Variants in TTC17 observed in about 807,000 individuals in gnomAD.
TTC17 encodes tetratricopeptide repeat protein 17.
Under a neutral mutation model 143.8 loss-of-function variants are expected in TTC17, and 58 were observed. The ratio of observed to expected loss-of-function variants is 0.40; its 90% CI spans 0.33 to 0.50. The LOEUF (loss-of-function observed/expected upper bound fraction) is 0.50, where lower values mean the gene tolerates loss of function less well. Ranked by LOEUF, TTC17 falls within the 20% of genes least tolerant of loss-of-function variation. TTC17 has a pLI of 0.49. For synonymous variants in TTC17, 501 were observed against 497.8 expected, an observed-to-expected ratio of 1.01 and a Z score of -0.09; for missense variants, 1,273 against 1,392.5, an observed-to-expected ratio of 0.91 and a Z score of 1.37.
At chr11:43,413,587 C>T (rs189204423) in intron 15 of TTC17, among the ~76,000 whole-genome samples, 1 of 151,834 alleles carries the variant, frequency 6.6e-6, no homozygotes, top group African/African-American at 2.4e-5. Context: ...CAACAAAAGA[C>T]TAATATATAA....
intron 16 of TTC17, among the ~76,000 whole-genome samples, chr11:43,432,532 C>T (rs1346092072): frequency 6.6e-6 from 1 of 152,156 alleles, no homozygotes; most frequent in Non-Finnish European, 1.5e-5. Context: ...CCTGGGACCT[C>T]GTTACCTAAA....
At chr11:43,365,381 G>A (rs1303584631) in intron 1 of TTC17, among the ~76,000 whole-genome samples, 1 of 152,004 alleles carries the variant, frequency 6.6e-6, no homozygotes, top group Non-Finnish European at 1.5e-5. Flanking sequence ...TGATCCTCCC[G>A]CCTCAGCCTC....
chr11:43,470,536 C>G (rs765162677), intron 21 of TTC17, among the ~76,000 whole-genome samples: 30 of 152,192 alleles, frequency 2.0e-4, no homozygotes, highest in Non-Finnish European at 8.8e-5. Flanking sequence ...ACAATCATCT[C>G]AGTCCAGATA....
chr11:43,419,381 A>T (rs549438797), intron 16 of TTC17, among the ~76,000 whole-genome samples: 2 of 152,248 alleles, frequency 1.3e-5, no homozygotes, highest in Non-Finnish European at 2.9e-5. Context: ...TTCTGTATTT[A>T]TAGCATCTAT....
intron 21 of TTC17, among the ~76,000 whole-genome samples, chr11:43,472,747 T>C (rs1948114403): frequency 6.6e-6 from 1 of 152,078 alleles, no homozygotes; most frequent in South Asian, 2.1e-4. Flanking sequence ...ATTTACCATC[T>C]TGATCATAAC....
intron 16 of TTC17, among the ~76,000 whole-genome samples, chr11:43,429,899 A>G (rs1245253536): frequency 1.3e-5 from 2 of 152,194 alleles, no homozygotes; most frequent in Non-Finnish European, 2.9e-5. Flanking sequence ...TGTAGAGTAT[A>G]ATATAAGCCT....
intron 16 of TTC17, among the ~76,000 whole-genome samples, chr11:43,432,330 A>T (rs756208300): frequency 1.7e-4 from 26 of 152,216 alleles, no homozygotes; most frequent in Non-Finnish European, 3.8e-4. Flanking sequence ...AGCATAGAAA[A>T]GAATGTTAAT....
At chr11:43,468,825 T>C (rs981130385) in intron 21 of TTC17, among the ~76,000 whole-genome samples, 1 of 152,128 alleles carries the variant, frequency 6.6e-6, no homozygotes, top group Admixed American at 6.5e-5. Context: ...CACAGGAGGC[T>C]GAGTTGGGAG....
chr11:43,452,843 A>G (rs1947689371), intron 21 of TTC17, among the ~76,000 whole-genome samples: 1 of 151,894 alleles, frequency 6.6e-6, no homozygotes, highest in African/African-American at 2.4e-5. Flanking sequence ...GGATCGCTTG[A>G]GCCCAGAAAG....
intron 16 of TTC17, among the ~76,000 whole-genome samples, chr11:43,426,419 C>T (rs1947029007): frequency 6.6e-6 from 1 of 152,192 alleles, no homozygotes; most frequent in Non-Finnish European, 1.5e-5. Context: ...CTTGATCATG[C>T]ATTGGCCATA....
At chr11:43,493,669 G>T in intron 23 of TTC17, 104 bp from the exon 24 acceptor site, 2 of 1,546,000 alleles carry the variant, frequency 1.3e-6, no homozygotes, top group Non-Finnish European at 8.9e-7. Context: ...AAATGCTGCG[G>T]GATTGTCCCT....
At chr11:43,399,505 T>A (rs1857756746) in intron 8 of TTC17, among the ~76,000 whole-genome samples, 1 of 151,980 alleles carries the variant, frequency 6.6e-6, no homozygotes, top group South Asian at 2.1e-4. Flanking sequence ...CAAGACCCAG[T>A]TTCTAAAACT....
chr11:43,464,493 A>G (rs17594707), intron 21 of TTC17, among the ~76,000 whole-genome samples: 1 of 151,964 alleles, frequency 6.6e-6, no homozygotes, highest in Non-Finnish European at 1.5e-5. Context: ...AACTTTTTTT[A>G]AAAAAACTTG....
At chr11:43,404,827 T>C in intron 11 of TTC17, among the ~76,000 whole-genome samples, 1 of 152,216 alleles carries the variant, frequency 6.6e-6, no homozygotes, top group Non-Finnish European at 1.5e-5. Flanking sequence ...TATTTATTTT[T>C]AGAGAAAATT....
chr11:43,372,682 G>A (rs1196420044), intron 1 of TTC17, among the ~76,000 whole-genome samples: 2 of 151,856 alleles, frequency 1.3e-5, no homozygotes, highest in Non-Finnish European at 2.9e-5. Flanking sequence ...ATAGAGATGG[G>A]GTTTCACCAT....
At chr11:43,377,450 C>T (rs896126383) in intron 1 of TTC17, among the ~76,000 whole-genome samples, 5 of 152,170 alleles carry the variant, frequency 3.3e-5, no homozygotes, top group African/African-American at 1.2e-4. Context: ...GAGAAATTCA[C>T]ATTAACATTT....
At position 43,493,991 on chromosome 11, in the gene TTC17, TTAA is replaced by T; in HGVS notation, c.*89_*91del. The T allele has an allele frequency of 1.4e-6, 2 of 1,439,374 alleles. No individual in the cohort carries two copies. The highest frequency in any genetic ancestry group is 1.4e-5 in the African/African-American group (1 of 70,098). 89.2% of individuals were successfully genotyped at this position (1,439,374 alleles called of 1,614,324 possible). A position where few individuals can be genotyped will look rare whatever the true frequency, so the allele number is the denominator to read the frequency against. On this transcript the variant is annotated 3_prime_UTR_variant, in exon 24 of 24. Transcript: ENST00000039989. ...AACCAATCATTGTCAGTATCTACTATTAATGATGTGTGTGAAAATAACTAAGAC... is the reference window on the plus strand; with the variant it reads ...AACCAATCATTGTCAGTATCTACTATTGATGTGTGTGAAAATAACTAAGAC...
At chr11:43,424,294 A>G (rs1300823820) in intron 16 of TTC17, among the ~76,000 whole-genome samples, 1 of 150,342 alleles carries the variant, frequency 6.7e-6, no homozygotes, top group East Asian at 2.0e-4. Context: ...GGGTTTCGCC[A>G]TGATGGCCAG....
At chr11:43,418,827 G>A (rs1354367071) in intron 16 of TTC17, among the ~76,000 whole-genome samples, 2 of 152,120 alleles carry the variant, frequency 1.3e-5, no homozygotes, top group Non-Finnish European at 2.9e-5. Context: ...ATTACAACAT[G>A]ATAGTGGACT....
Sources: allele counts gnomAD v4.1 joint callset (sites outside exome capture counted in the v4.1 genomes callset), GRCh38; gene constraint gnomAD v4.1.1; transcripts MANE v1.5; gene names NCBI Gene and HGNC (gene_info 2026-07-23, HGNC 2026-07-21).